GRIN2B: variants seen among roughly 807,000 people sequenced by gnomAD.
GRIN2B encodes the protein glutamate ionotropic receptor NMDA type subunit 2B.
Under a neutral mutation model 114.5 loss-of-function variants are expected in GRIN2B, and 5 were observed. That is an observed-to-expected ratio of 0.04 (90% CI 0.02 to 0.09). The LOEUF is 0.09. Ranked by LOEUF, GRIN2B falls within the 10% of genes least tolerant of loss-of-function variation. GRIN2B has a pLI of 1.00. For missense variants in GRIN2B, 1,108 were observed against 1,943.5 expected (o/e 0.57, Z 8.08); for synonymous variants, 787 against 745.1 (o/e 1.06, Z -0.92).
intron 4 of GRIN2B, among the ~76,000 whole-genome samples, chr12:13,678,149 C>CCATA (rs1363863806): frequency 6.6e-6 from 1 of 152,058 alleles, no homozygotes; most frequent in African/African-American, 2.4e-5. Context: ...GGAATGCAGG[C>CCATA]CATACAGGGA....
intron 5 of GRIN2B, among the ~76,000 whole-genome samples, chr12:13,642,880 CTTTGGGT>C (rs1342683528): frequency 6.6e-6 from 1 of 152,128 alleles, no homozygotes; most frequent in Non-Finnish European, 1.5e-5. Flanking sequence ...TGGGGCTTGG[CTTTGGGT>C]TTTGGGACGT....
chr12:13,943,335 C>T (rs532407515), intron 2 of GRIN2B, among the ~76,000 whole-genome samples: 2 of 152,292 alleles, frequency 1.3e-5, no homozygotes, highest in East Asian at 3.9e-4. Flanking sequence ...TGAGTCATAA[C>T]TTCACATCTG....
chr12:13,816,765 T>C (rs1864830426), intron 3 of GRIN2B, among the ~76,000 whole-genome samples: 1 of 152,224 alleles, frequency 6.6e-6, no homozygotes, highest in African/African-American at 2.4e-5. Flanking sequence ...GTGTTATGTG[T>C]GTGTACATTA....
Position 13,564,690 on chromosome 12 carries a change from AC to A in GRIN2B, c.2599-52del. 1 of 1,490,076 alleles carries A rather than the reference AC, an allele frequency of 6.7e-7. No homozygotes were observed. The highest frequency in any genetic ancestry group is 9.3e-7 in the Non-Finnish European group (1 of 1,070,918). The allele number at this position is 1,490,076 out of a possible 1,614,324, so 92.3% of individuals were successfully genotyped here. On this transcript the variant is annotated intron_variant, in intron 13 of 13. Coordinates refer to ENST00000609686, the MANE Select transcript of GRIN2B (RefSeq NM_000834.5). The surrounding 1 kb of genome is among the most constrained non-coding windows in gnomAD (Gnocchi z 4.8). ...TAGATCTCCAGAGAGGCTAGAAATG[AC>A]CACAAAAAACACTCTCCCACCAATA...
At chr12:13,925,639 C>A (rs1866899258) in intron 2 of GRIN2B, among the ~76,000 whole-genome samples, 1 of 152,060 alleles carries the variant, frequency 6.6e-6, no homozygotes, top group Non-Finnish European at 1.5e-5. Context: ...GAAGGACCCC[C>A]GAAACACCCC....
chr12:13,647,975 C>G (rs1949778014), intron 5 of GRIN2B, among the ~76,000 whole-genome samples: 1 of 152,032 alleles, frequency 6.6e-6, no homozygotes, highest in African/African-American at 2.4e-5. Context: ...GTTGAGATAT[C>G]TTAGGGGCTG....
chr12:13,685,073 C>T (rs893380292), intron 4 of GRIN2B, among the ~76,000 whole-genome samples: 1 of 152,088 alleles, frequency 6.6e-6, no homozygotes, highest in Admixed American at 6.6e-5. Flanking sequence ...CTCAAGAAGC[C>T]CTTGGGTAAG....
At chr12:13,908,255 AG>A (rs1196379393) in intron 2 of GRIN2B, among the ~76,000 whole-genome samples, 2 of 152,118 alleles carry the variant, frequency 1.3e-5, no homozygotes, top group Non-Finnish European at 2.9e-5. Flanking sequence ...AAAACAGAAA[AG>A]AACATATAGT....
At position 13,792,606 on chromosome 12, in the gene GRIN2B, C is replaced by T. The variant is rs535296479; in HGVS notation, c.412-38691G>A. ...GCTTTAACTTCATGAAGGCTTCAGG[C>T]TCCCTGAGGAAGGTGACTAGTGGGA... On this transcript the variant is annotated intron_variant, in intron 3 of 13. Transcript: ENST00000609686. 4.6e-5 allele frequency among the ~76,000 whole-genome samples: 7 copies of T among 152,364 alleles called. No homozygotes were observed. The South Asian group carries it at 1.4e-3, about 32-fold the overall frequency.
chr12:13,835,790 A>G (rs1192145508), intron 3 of GRIN2B, among the ~76,000 whole-genome samples: 1 of 151,548 alleles, frequency 6.6e-6, no homozygotes, highest in Non-Finnish European at 1.5e-5. Flanking sequence ...AAAAAAAAAA[A>G]AAAAAGAAAG....
At chr12:13,944,958 A>G (rs2136840315) in intron 2 of GRIN2B, among the ~76,000 whole-genome samples, 1 of 152,218 alleles carries the variant, frequency 6.6e-6, no homozygotes, top group South Asian at 2.1e-4. Context: ...TAAGTTCTGG[A>G]CTGTTGGTTA....
chr12:13,866,317 A>T, intron 2 of GRIN2B, 91 bp from the exon 3 acceptor site: 1 of 1,096,960 alleles, frequency 9.1e-7, no homozygotes, highest in Non-Finnish European at 1.3e-6. Context: ...CAAGGACCTT[A>T]TCTCCTTTCA....
At chr12:13,786,785 C>A (rs1272119209) in intron 3 of GRIN2B, among the ~76,000 whole-genome samples, 2 of 152,110 alleles carry the variant, frequency 1.3e-5, no homozygotes, top group Non-Finnish European at 2.9e-5. Context: ...GGGAAACTGA[C>A]ACAGCTTGTT....
intron 3 of GRIN2B, among the ~76,000 whole-genome samples, chr12:13,811,800 T>G (rs1864736016): frequency 6.6e-6 from 1 of 152,112 alleles, no homozygotes; most frequent in Admixed American, 6.6e-5. Flanking sequence ...AGTGATAAAA[T>G]GCTTCTAGTT....
chr12:13,587,250 CT>C (rs1382985490), intron 10 of GRIN2B, among the ~76,000 whole-genome samples: 1 of 151,920 alleles, frequency 6.6e-6, no homozygotes, highest in Non-Finnish European at 1.5e-5. Context: ...CCTGGAAACC[CT>C]TGTCTTTAAC....
intron 4 of GRIN2B, among the ~76,000 whole-genome samples, chr12:13,698,704 A>G (rs1950283373): frequency 6.6e-6 from 1 of 152,198 alleles, no homozygotes; most frequent in Admixed American, 6.5e-5. Flanking sequence ...TTTTTTTGAG[A>G]CAGAGTTTCT....
intron 2 of GRIN2B, among the ~76,000 whole-genome samples, chr12:13,962,933 C>A (rs1867723077): frequency 6.6e-6 from 1 of 152,208 alleles, no homozygotes; most frequent in Non-Finnish European, 1.5e-5. Context: ...CCTCTGTCTC[C>A]CCCTGGCTGT....
chr12:13,800,286 G>T (rs1283201582), intron 3 of GRIN2B, among the ~76,000 whole-genome samples: 1 of 152,104 alleles, frequency 6.6e-6, no homozygotes, highest in Non-Finnish European at 1.5e-5. Context: ...GCCTCTACTT[G>T]CCTTCTCCTA....
At chr12:13,813,767 C>T (rs1864773425) in intron 3 of GRIN2B, among the ~76,000 whole-genome samples, 1 of 152,166 alleles carries the variant, frequency 6.6e-6, no homozygotes, top group Non-Finnish European at 1.5e-5. Flanking sequence ...GAATTCATTC[C>T]TTTTTTGAAT....
Sources: gnomAD v4.1 joint callset for allele counts (sites outside exome capture counted in the v4.1 genomes callset) on GRCh38, gnomAD v4.1.1 for gene constraint, Gnocchi (gnomAD v3.1) non-coding constraint, MANE v1.5 for transcripts, NCBI Gene and HGNC (gene_info 2026-07-23, HGNC 2026-07-21) for gene names.